Variants in FAM47E observed in about 807,000 individuals in gnomAD.
The protein encoded by FAM47E is protein FAM47E.
In FAM47E, 32 loss-of-function variants were observed where a neutral mutation model predicts 41.6. The observed-to-expected ratio is 0.77, with a 90% CI of 0.58 to 1.03. The LOEUF is 1.03. FAM47E is among the 50% of genes least tolerant of loss of function. The pLI is 0.00. For missense variants in FAM47E, 424 were observed against 485.4 expected, an observed-to-expected ratio of 0.87 and a Z score of 1.19; for synonymous variants, 184 against 188.7, an observed-to-expected ratio of 0.98 and a Z score of 0.20.
At chr4:76,229,962 A>T (rs544182049) in intron 2 of FAM47E, among the ~76,000 whole-genome samples, 2 of 152,264 alleles carry the variant, frequency 1.3e-5, no homozygotes, top group East Asian at 3.9e-4. Flanking sequence ...GAGGTGGATG[A>T]TCTCCAGCCA....
chr4:76,244,533 C>CTTTTTTTTTTTTTTTTTTTTTTTTTTTTT (rs71212407), intron 2 of FAM47E, among the ~76,000 whole-genome samples: 1 of 66,054 alleles, frequency 1.5e-5, no homozygotes, highest in Non-Finnish European at 2.7e-5. Flanking sequence ...AGGCATTCTT[C>CTTTTTTTTTTTTTTTTTTTTTTTTTTTTT]TTTTTTTTTT....
At chr4:76,220,892 G>C (rs577573440) in intron 2 of FAM47E, among the ~76,000 whole-genome samples, 3 of 152,128 alleles carry the variant, frequency 2.0e-5, no homozygotes, top group African/African-American at 7.2e-5. Flanking sequence ...GATCAGCTGG[G>C]ACCACAGGGG....
At chr4:76,233,104 G>A (rs535109711) in intron 2 of FAM47E, among the ~76,000 whole-genome samples, 4 of 152,124 alleles carry the variant, frequency 2.6e-5, no homozygotes, top group East Asian at 1.9e-4. Context: ...ACATTTTACC[G>A]TTCTTACACA....
At chr4:76,281,390 G>A (rs1313596962) in intron 7 of FAM47E, 5 of 151,990 alleles carry the variant, frequency 3.3e-5, no homozygotes, top group African/African-American at 4.8e-5. Flanking sequence ...CTTTAGCTTT[G>A]AACATCAATA....
At chr4:76,271,524 T>TTTCACCGATTGCCCTCAA in intron 4 of FAM47E, 44 bp from the exon 5 acceptor site, 1 of 1,547,536 alleles carries the variant, frequency 6.5e-7, no homozygotes, top group Non-Finnish European at 8.7e-7. Context: ...GCAAAGAGCA[T>TTTCACCGATTGCCCTCAA]TTCACCGATT....
chr4:76,225,686 C>T (rs1217718704), intron 2 of FAM47E, among the ~76,000 whole-genome samples: 1 of 152,224 alleles, frequency 6.6e-6, no homozygotes, highest in East Asian at 1.9e-4. Context: ...TGATGTATCA[C>T]ACTTATTGAC....
At chr4:76,265,203 C>T (rs1444119230) in intron 3 of FAM47E, among the ~76,000 whole-genome samples, 2 of 152,206 alleles carry the variant, frequency 1.3e-5, no homozygotes, top group East Asian at 1.9e-4. Context: ...GGTAACTGGA[C>T]GTGCTTGTCT....
chr4:76,269,748 A>G (rs1315120531), intron 4 of FAM47E: 3 of 151,726 alleles, frequency 2.0e-5, no homozygotes, highest in East Asian at 3.9e-4. Context: ...TCATCATGCC[A>G]TTGCACTCCA....
At chr4:76,256,870 G>A (rs141978722) in intron 2 of FAM47E, among the ~76,000 whole-genome samples, 1 of 152,302 alleles carries the variant, frequency 6.6e-6, no homozygotes, top group Non-Finnish European at 1.5e-5. Flanking sequence ...AACAATGAGA[G>A]GGAATTGTCT....
intron 5 of FAM47E, among the ~76,000 whole-genome samples, chr4:76,275,269 C>T (rs571704470): frequency 6.6e-6 from 1 of 152,232 alleles, no homozygotes; most frequent in East Asian, 1.9e-4. Context: ...TGGAGTGCCC[C>T]TCCTCTCCAT....
intron 2 of FAM47E, among the ~76,000 whole-genome samples, chr4:76,258,064 AGATT>A (rs1157901677): frequency 6.6e-6 from 1 of 152,122 alleles, no homozygotes; most frequent in Non-Finnish European, 1.5e-5. Context: ...CATGACAAAG[AGATT>A]GATTGTTTCC....
intron 3 of FAM47E, among the ~76,000 whole-genome samples, chr4:76,266,263 AC>A (rs1560747641): frequency 6.6e-6 from 1 of 152,014 alleles, no homozygotes; most frequent in Non-Finnish European, 1.5e-5. Flanking sequence ...CAACCAAGTG[AC>A]CTCCTCTGGT....
chr4:76,270,379 G>A (rs1734834648), intron 4 of FAM47E, among the ~76,000 whole-genome samples: 1 of 152,276 alleles, frequency 6.6e-6, no homozygotes, highest in South Asian at 2.1e-4. Flanking sequence ...TTAAGGAGAT[G>A]GAATATGCTT....
chr4:76,217,641 C>A, exon 2 of FAM47E: 1 of 654,370 alleles, frequency 1.5e-6, no homozygotes, highest in Non-Finnish European at 2.8e-6. Flanking sequence ...CTTGTCCAGC[C>A]TGCAGAACCA....
At chr4:76,282,650 T>C (rs1677291016) in intron 7 of FAM47E, 1 of 151,954 alleles carries the variant, frequency 6.6e-6, no homozygotes, top group Admixed American at 6.6e-5. Context: ...TTTCAGGGGG[T>C]CTCCCTACAT....
At chr4:76,245,336 T>C (rs1733802447) in intron 2 of FAM47E, among the ~76,000 whole-genome samples, 1 of 152,152 alleles carries the variant, frequency 6.6e-6, no homozygotes, top group Non-Finnish European at 1.5e-5. Context: ...ATCTAGAGAC[T>C]GGCAATAATA....
intron 2 of FAM47E, among the ~76,000 whole-genome samples, chr4:76,232,307 T>C (rs926850860): frequency 4.6e-5 from 7 of 152,244 alleles, no homozygotes; most frequent in African/African-American, 7.2e-5. Flanking sequence ...TTTCAGCTCT[T>C]CATGAGTCCT....
At chr4:76,275,053 G>A (rs1735042054) in intron 5 of FAM47E, among the ~76,000 whole-genome samples, 1 of 150,368 alleles carries the variant, frequency 6.7e-6, no homozygotes, top group African/African-American at 2.4e-5. Flanking sequence ...GTCTTGCACA[G>A]TATTAATTCA....
At chr4:76,228,183 G>A (rs1436803587) in intron 2 of FAM47E, among the ~76,000 whole-genome samples, 6 of 151,520 alleles carry the variant, frequency 4.0e-5, no homozygotes, top group Non-Finnish European at 2.9e-5. Flanking sequence ...TTTATTTCAA[G>A]ATTTAGAATC....
Sources: allele counts gnomAD v4.1 joint callset (sites outside exome capture counted in the v4.1 genomes callset), GRCh38; gene constraint gnomAD v4.1.1; transcripts MANE v1.5; gene names NCBI Gene and HGNC (gene_info 2026-07-23, HGNC 2026-07-21).